PRDM15: variants seen among roughly 807,000 people sequenced by gnomAD.
PRDM15 encodes PR/SET domain 15, also known as PR domain zinc finger protein 15.
PRDM15 carries 64 observed loss-of-function variants against 128.6 expected under a neutral mutation model. The observed-to-expected ratio is 0.50, with a 90% CI of 0.41 to 0.61. The LOEUF is 0.61. PRDM15 is among the 20% of genes least tolerant of loss of function. The pLI, the probability that PRDM15 is intolerant of heterozygous loss-of-function variation, is 0.00. For synonymous variants in PRDM15, 615 were observed against 621.8 expected (o/e 0.99, Z 0.16); for missense variants, 1,242 against 1,569.1 (o/e 0.79, Z 3.52).
chr21:41,844,335 C>T (rs1392856558), intron 6 of PRDM15, among the ~76,000 whole-genome samples: 1 of 151,864 alleles, frequency 6.6e-6, no homozygotes, highest in African/African-American at 2.4e-5. Context: ...CAAGAGAACA[C>T]ACAACCCCTC....
chr21:41,833,925 T>G (rs577164882), intron 11 of PRDM15, among the ~76,000 whole-genome samples: 97 of 152,330 alleles, frequency 6.4e-4, no homozygotes, highest in African/African-American at 2.1e-3. Context: ...AACCCTCGCC[T>G]GCTACACTCC....
intron 19 of PRDM15, chr21:41,813,321 G>A (rs985142753): frequency 2.0e-5 from 3 of 152,328 alleles, no homozygotes; most frequent in Admixed American, 2.0e-4. Context: ...CAGTCTTGGG[G>A]AGCAAGAGTA....
At chr21:41,822,284 G>C (rs114436479) in intron 14 of PRDM15, among the ~76,000 whole-genome samples, 1,892 of 152,362 alleles carry the variant, frequency 0.012, 35 homozygotes, top group African/African-American at 0.042. Context: ...CATGCGCCCA[G>C]CAAGATCCCA....
chr21:41,819,999 C>G, intron 17 of PRDM15, 96 bp downstream of exon 17: 2 of 1,062,674 alleles, frequency 1.9e-6, no homozygotes, highest in Non-Finnish European at 2.8e-6. Context: ...CAAGGTGCGA[C>G]GGCTCTGTGT....
chr21:41,860,046 C>T (rs79718368), intron 2 of PRDM15, among the ~76,000 whole-genome samples: 1,987 of 152,300 alleles, frequency 0.013, 48 homozygotes, highest in African/African-American at 0.044. Flanking sequence ...AGGTTCATCC[C>T]TCCTGCCTAG....
At chr21:41,872,569 T>C (rs935684162) in intron 1 of PRDM15, among the ~76,000 whole-genome samples, 2 of 152,238 alleles carry the variant, frequency 1.3e-5, no homozygotes, top group African/African-American at 2.4e-5. Context: ...TGTACCTATT[T>C]ATGGGGTACA....
chr21:41,829,366 C>T (rs2062601642), intron 11 of PRDM15, among the ~76,000 whole-genome samples: 1 of 151,886 alleles, frequency 6.6e-6, no homozygotes, highest in African/African-American at 2.4e-5. Flanking sequence ...CACAATCACA[C>T]ACACCACAAA....
Position 41,879,113 on chromosome 21 carries a change from A to C in PRDM15, c.-10+157T>G. 1 of 1,079,746 alleles carries C rather than the reference A, an allele frequency of 9.3e-7. No individual in the cohort carries two copies. The highest frequency in any genetic ancestry group is 1.1e-6 in the Non-Finnish European group (1 of 871,814). 66.9% of individuals were successfully genotyped at this position (1,079,746 alleles called of 1,614,324 possible). A position where few individuals can be genotyped will look rare whatever the true frequency, so the allele number is the denominator to read the frequency against. On this transcript the variant is annotated intron_variant, in intron 1 of 23. Coordinates refer to ENST00000398548, the MANE Select transcript of PRDM15 (RefSeq NM_001040424.3). The surrounding 1 kb of genome is among the most constrained non-coding windows in gnomAD (Gnocchi z 5.1). ...GCGAATGTAACAAAGAACAGTCGGC[A>C]TGGCGGCTGGACCGGGGCGGCGCGC... is the stretch of plus-strand genomic sequence containing the variant.
chr21:41,821,170 C>T lies in PRDM15; in HGVS notation c.1957G>A (p.Gly653Ser). The T allele has an allele frequency of 6.2e-7, 1 of 1,614,208 alleles. No individual in the cohort carries two copies. ...KHIMEVHKEK[G>S]YGCSICNRRF... The stretch of plus-strand genomic sequence containing the variant: ...CGGTTGCAGATGCTGCAGCCATAGC[C>T]CTTCTCCTTGTGCACCTCCATGATG... Residue 653 changes from glycine (G) to serine (S), a missense_variant, in exon 16 of 24, where the codon GGC (glycine) becomes AGC (serine). Gly to Ser is a moderately conservative substitution (Grantham distance 56). Transcript: ENST00000398548. The surrounding 1 kb of genome is among the most constrained non-coding windows in gnomAD (Gnocchi z 5.4).
Position 41,867,310 on chromosome 21 carries a change from C to T in PRDM15, c.-9-6938G>A, listed in dbSNP as rs137957423. 186 of 1,613,168 alleles carry T rather than the reference C, an allele frequency of 1.2e-4. No individual in the cohort carries two copies. The Middle Eastern group carries it at 2.5e-3, about 21-fold the overall frequency. On this transcript the variant is annotated intron_variant, in intron 1 of 23. Transcript: ENST00000398548. Reference sequence around the variant, plus strand: ...TACTCTAGCCCTGACCTCCTCCGTTCGCAATCTTCCCCAGGGCTGGGGGCA... The same window carrying T: ...TACTCTAGCCCTGACCTCCTCCGTTTGCAATCTTCCCCAGGGCTGGGGGCA...
At chr21:41,809,977 G>T (rs2061809458) in intron 21 of PRDM15, among the ~76,000 whole-genome samples, 177 bp downstream of exon 21, 1 of 152,214 alleles carries the variant, frequency 6.6e-6, no homozygotes, top group Non-Finnish European at 1.5e-5. Context: ...ACCTCTCGCA[G>T]CCACTCACTC....
chr21:41,863,775 G>T (rs551143055), intron 1 of PRDM15, among the ~76,000 whole-genome samples: 2 of 152,224 alleles, frequency 1.3e-5, no homozygotes, highest in African/African-American at 4.8e-5. Context: ...TGATACCGGT[G>T]AGAAGGTGGA....
chr21:41,804,780 T>C (rs780173634), intron 21 of PRDM15, 166 bp from the exon 22 acceptor site: 5 of 547,628 alleles, frequency 9.1e-6, no homozygotes, highest in Non-Finnish European at 1.6e-5. Context: ...TTTGAAACTC[T>C]GTGTCCAGAA....
chr21:41,817,366 G>T (rs2062089285), intron 18 of PRDM15, among the ~76,000 whole-genome samples: 1 of 152,124 alleles, frequency 6.6e-6, no homozygotes, highest in African/African-American at 2.4e-5. Flanking sequence ...ATGTGATTCT[G>T]AACAAGACGT....
Position 41,836,472 on chromosome 21 carries a change from C to A in PRDM15, c.1179G>T (p.Ser393=). 6.2e-7 allele frequency: 1 copy of A among 1,609,292 alleles called. No individual in the cohort carries two copies. Among genetic ancestry groups the A allele is most frequent in the Non-Finnish European group, 8.5e-7 (1 of 1,177,730 alleles). ...AGCCGGGCCTCGCGGACTCACCATGCGAGCGCACGTGCCTGCTCAGGTTGC... is the reference window on the plus strand; with the variant it reads ...AGCCGGGCCTCGCGGACTCACCATGAGAGCGCACGTGCCTGCTCAGGTTGC... ...NSSNLSRHVR[S]HGDKLFKCEE... Residue 393 remains serine, a synonymous_variant, in exon 9 of 24, where the codon TCG becomes TCT. Transcript: ENST00000398548.
Position 41,833,325 on chromosome 21 carries a change from C to A in PRDM15, c.1366+2112G>T, listed in dbSNP as rs546319380. Among the ~76,000 whole-genome samples, 11 of 152,272 alleles carry A rather than the reference C, an allele frequency of 7.2e-5. 1 individual carries two copies. Among genetic ancestry groups the A allele is most frequent in the African/African-American group, 2.4e-4 (10 of 41,548 alleles). ...ACTGTAACATTTTAAAACTGCCCCC[C>A]ACACCCCTCTCCAGGGTGTGCTATG... On this transcript the variant is annotated intron_variant, in intron 11 of 23. Coordinates refer to ENST00000398548, the MANE Select transcript of PRDM15 (RefSeq NM_001040424.3).
intron 1 of PRDM15, among the ~76,000 whole-genome samples, chr21:41,873,371 G>A (rs898091774): frequency 2.6e-5 from 4 of 152,254 alleles, no homozygotes; most frequent in Admixed American, 2.6e-4. Context: ...CTGGGTACAC[G>A]GCCACTGGTC....
intron 8 of PRDM15, among the ~76,000 whole-genome samples, chr21:41,837,570 G>A (rs908968989): frequency 3.3e-5 from 5 of 152,120 alleles, no homozygotes; most frequent in African/African-American, 9.7e-5. Context: ...TGCGGACAGC[G>A]TTTCAGCTTG....
chr21:41,820,092 C>A lies in PRDM15; in HGVS notation c.2140+3G>T, dbSNP rs773689126. ...GGGACCCCAAATGCTGACAGACACG[C>A]ACCTGTGTGGATGAGCTTGTGGCGC... On this transcript the variant is annotated splice_donor_region_variant and intron_variant, in intron 17 of 23. Transcript: ENST00000398548. 16 of 1,613,418 alleles carry A rather than the reference C, an allele frequency of 9.9e-6. No individual in the cohort carries two copies. Among genetic ancestry groups the A allele is most frequent in the Non-Finnish European group, 1.4e-5 (16 of 1,179,588 alleles).
Sources: gnomAD v4.1 joint callset for allele counts (sites outside exome capture counted in the v4.1 genomes callset) on GRCh38, gnomAD v4.1.1 for gene constraint, Gnocchi (gnomAD v3.1) non-coding constraint, MANE v1.5 for transcripts, NCBI Gene and HGNC (gene_info 2026-07-23, HGNC 2026-07-21) for gene names.